NUAK1: variants seen among roughly 807,000 people sequenced by gnomAD.
The protein encoded by NUAK1 is NUAK family SNF1-like kinase 1.
In NUAK1, 26 loss-of-function variants were observed where a neutral mutation model predicts 56.9. That is an observed-to-expected ratio of 0.46 (90% CI 0.33 to 0.63). The LOEUF is 0.63. NUAK1 is among the 30% of genes least tolerant of loss of function. The pLI, the probability that NUAK1 is intolerant of heterozygous loss-of-function variation, is 0.02. For synonymous variants in NUAK1, 337 were observed against 336.0 expected, an observed-to-expected ratio of 1.00 and a Z score of -0.03; for missense variants, 727 against 876.1, an observed-to-expected ratio of 0.83 and a Z score of 2.15.
At chr12:106,133,377 C>T (rs1318347842) in intron 1 of NUAK1, among the ~76,000 whole-genome samples, 1 of 152,168 alleles carries the variant, frequency 6.6e-6, no homozygotes, top group African/African-American at 2.4e-5. Context: ...GGGCGATCAC[C>T]CCATGGCTGC....
At position 106,066,829 on chromosome 12, in the gene NUAK1, C is replaced by T. The variant is rs375354064; in HGVS notation, c.1959G>A (p.Ala653=). The part of the protein sequence containing the change: ...MDDVTQVYKQ[A]LEICSKLN The stretch of plus-strand genomic sequence containing the variant: ...AGTTGAGCTTGCTGCAGATCTCCAG[C>T]GCTTGCTTGTAGACCTGAGTCACAT... The change falls in exon 7 of 7, where the codon GCG becomes GCA. Residue 653 remains alanine, a synonymous_variant. Coordinates refer to ENST00000261402, the MANE Select transcript of NUAK1 (RefSeq NM_014840.3). The T allele has an allele frequency of 9.3e-6, 15 of 1,612,228 alleles. No individual in the cohort carries two copies. Among genetic ancestry groups the T allele is most frequent in the South Asian group, 2.2e-5 (2 of 90,988 alleles).
chr12:106,089,370 C>T (rs1055758595), intron 2 of NUAK1, among the ~76,000 whole-genome samples: 2 of 152,228 alleles, frequency 1.3e-5, no homozygotes, highest in Non-Finnish European at 2.9e-5. Flanking sequence ...CTGGATTCTT[C>T]CCTCTCCAAC....
intron 2 of NUAK1, among the ~76,000 whole-genome samples, chr12:106,093,184 A>C (rs1018639674): frequency 1.3e-5 from 2 of 152,242 alleles, no homozygotes; most frequent in Non-Finnish European, 2.9e-5. Context: ...CAGGCATGGA[A>C]CTGAACCACC....
intron 3 of NUAK1, among the ~76,000 whole-genome samples, chr12:106,085,262 C>T (rs1367481878): frequency 1.3e-5 from 2 of 152,162 alleles, no homozygotes; most frequent in African/African-American, 4.8e-5. Context: ...AAAATATCAC[C>T]TCTGTGGTGA....
intron 2 of NUAK1, among the ~76,000 whole-genome samples, chr12:106,092,504 A>G (rs2032645720): frequency 6.6e-6 from 1 of 152,182 alleles, no homozygotes. Flanking sequence ...TCAAAAAAAA[A>G]AAATGGAATC....
At chr12:106,118,700 C>T (rs2032944631) in intron 1 of NUAK1, among the ~76,000 whole-genome samples, 1 of 152,252 alleles carries the variant, frequency 6.6e-6, no homozygotes, top group African/African-American at 2.4e-5. Flanking sequence ...TTCTGATGTA[C>T]TGTACACACA....
rs35719392 is a variant in NUAK1 at position 106,063,682 on chromosome 12, ATT to A, written c.*3118_*3119del. 71,963 of 148,280 alleles carry A rather than the reference ATT, an allele frequency of 0.49. 17,472 individuals are homozygous for A. The highest frequency in any genetic ancestry group is 0.6 in the Admixed American group (8,916 of 14,966). 9.2% of individuals were successfully genotyped at this position (148,280 alleles called of 1,614,324 possible). A position where few individuals can be genotyped will look rare whatever the true frequency, so the allele number is the denominator to read the frequency against. Reference sequence around the variant, plus strand: ...AAATTAAATAAAAGTCACAATGTGGATTTTTTTTTTTTTTTAATGTGCAGTCA... The same window carrying A: ...AAATTAAATAAAAGTCACAATGTGGATTTTTTTTTTTTTAATGTGCAGTCA... On this transcript the variant is annotated 3_prime_UTR_variant, in exon 7 of 7. Coordinates refer to ENST00000261402, the MANE Select transcript of NUAK1 (RefSeq NM_014840.3).
At chr12:106,079,688 T>G (rs1172868067) in intron 4 of NUAK1, among the ~76,000 whole-genome samples, 1 of 152,252 alleles carries the variant, frequency 6.6e-6, no homozygotes, top group Non-Finnish European at 1.5e-5. Context: ...TTCTTCATTC[T>G]CATCCTGCAT....
At chr12:106,128,306 T>A (rs2033044684) in intron 1 of NUAK1, among the ~76,000 whole-genome samples, 1 of 152,100 alleles carries the variant, frequency 6.6e-6, no homozygotes, top group Non-Finnish European at 1.5e-5. Context: ...CAATTTTGTA[T>A]TTTTAGTAGA....
At chr12:106,134,773 T>C (rs1156771998) in intron 1 of NUAK1, among the ~76,000 whole-genome samples, 1 of 152,238 alleles carries the variant, frequency 6.6e-6, no homozygotes, top group Non-Finnish European at 1.5e-5. Context: ...CCCAAAACTG[T>C]ATCAAAACCA....
intron 1 of NUAK1, among the ~76,000 whole-genome samples, chr12:106,135,514 A>G (rs2033120636): frequency 6.6e-6 from 1 of 152,220 alleles, no homozygotes; most frequent in Non-Finnish European, 1.5e-5. Context: ...CTCATTTTTT[A>G]GAAACTTCTC....
At chr12:106,077,419 G>T (rs2032475507) in intron 4 of NUAK1, among the ~76,000 whole-genome samples, 1 of 152,192 alleles carries the variant, frequency 6.6e-6, no homozygotes, top group African/African-American at 2.4e-5. Context: ...TAAGGCTGAT[G>T]GTTTGGCCGA....
chr12:106,118,045 A>T (rs2032936457), intron 1 of NUAK1, among the ~76,000 whole-genome samples: 1 of 152,172 alleles, frequency 6.6e-6, no homozygotes, highest in South Asian at 2.1e-4. Context: ...TACCTGGCCC[A>T]ATATCTACAA....
chr12:106,071,543 A>T (rs558034523), intron 5 of NUAK1, among the ~76,000 whole-genome samples: 1 of 152,272 alleles, frequency 6.6e-6, no homozygotes, highest in South Asian at 2.1e-4. Flanking sequence ...GCACTGCTCG[A>T]TTCTTTGGTT....
intron 1 of NUAK1, among the ~76,000 whole-genome samples, chr12:106,109,555 GAAAA>G (rs5800702): frequency 1.6e-5 from 2 of 123,522 alleles, no homozygotes; most frequent in Non-Finnish European, 1.8e-5. Flanking sequence ...GGTTGTTAAG[GAAAA>G]AAAAAAAAAA....
intron 4 of NUAK1, among the ~76,000 whole-genome samples, chr12:106,075,242 T>C (rs1454393407): frequency 6.6e-6 from 1 of 151,600 alleles, no homozygotes; most frequent in Non-Finnish European, 1.5e-5. Flanking sequence ...GAAATCTAGA[T>C]TAGCCTGTGT....
Position 106,083,870 on chromosome 12 carries a change from A to G in NUAK1, c.573T>C (p.Asn191=). 4 of 1,614,048 alleles carry G rather than the reference A, an allele frequency of 2.5e-6. No homozygotes were observed. Among genetic ancestry groups the G allele is most frequent in the Non-Finnish European group, 3.4e-6 (4 of 1,179,948 alleles). The change falls in exon 4 of 7, where the codon AAT becomes AAC. Residue 191 remains asparagine (N), a synonymous_variant. Transcript: ENST00000261402. ...LENILLDDNC[N]IKIADFGLSN... ...GACGACGCAAGGGCTTTACCTTAAT[A>G]TTGCAGTTGTCATCGAGCAGTATAT...
chr12:106,068,432 G>A (rs1414640391), intron 6 of NUAK1, among the ~76,000 whole-genome samples: 1 of 152,218 alleles, frequency 6.6e-6, no homozygotes. Flanking sequence ...GGGAAAGCAT[G>A]CCAGAGACAG....
chr12:106,107,832 TA>T (rs753763928), intron 1 of NUAK1, among the ~76,000 whole-genome samples: 1 of 152,216 alleles, frequency 6.6e-6, no homozygotes, highest in Non-Finnish European at 1.5e-5. Flanking sequence ...CTGTTTTTGC[TA>T]TGTATTGACC....
Sources: gnomAD v4.1 joint callset for allele counts (sites outside exome capture counted in the v4.1 genomes callset) on GRCh38, gnomAD v4.1.1 for gene constraint, MANE v1.5 for transcripts, NCBI Gene and HGNC (gene_info 2026-07-23, HGNC 2026-07-21) for gene names.